Variants in SNTG1 observed in about 807,000 individuals in gnomAD.
SNTG1 encodes syntrophin gamma 1.
A neutral mutation model predicts 74.7 loss-of-function variants in SNTG1; 39 were observed. That is an observed-to-expected ratio of 0.52 (90% CI 0.40 to 0.68). SNTG1 has a LOEUF of 0.68. SNTG1 is among the 30% of genes least tolerant of loss of function. The pLI, the probability that SNTG1 is intolerant of heterozygous loss-of-function variation, is 0.00. For synonymous variants in SNTG1, 254 were observed against 217.1 expected (o/e 1.17, Z -1.49); for missense variants, 685 against 609.5 (o/e 1.12, Z -1.30).
intron 1 of SNTG1, among the ~76,000 whole-genome samples, chr8:49,946,302 T>C (rs1247740145): frequency 6.6e-6 from 1 of 152,220 alleles, no homozygotes; most frequent in African/African-American, 2.4e-5. Context: ...TTACTATAAC[T>C]GGATAAAATA....
chr8:50,253,850 T>C (rs1458585334), intron 2 of SNTG1, among the ~76,000 whole-genome samples: 1 of 146,280 alleles, frequency 6.8e-6, no homozygotes, highest in South Asian at 2.1e-4. Flanking sequence ...CCATGTAGAA[T>C]CTAAAAAAAA....
chr8:50,728,025 T>C (rs551785156), intron 17 of SNTG1, among the ~76,000 whole-genome samples: 2 of 152,072 alleles, frequency 1.3e-5, no homozygotes, highest in Middle Eastern at 3.4e-3. Context: ...CAGTACAGAG[T>C]TGTCAGCACA....
chr8:50,501,686 G>A (rs2093958613), intron 8 of SNTG1, among the ~76,000 whole-genome samples: 1 of 150,458 alleles, frequency 6.6e-6, no homozygotes. Flanking sequence ...TCGAACTCCA[G>A]ACCTCAGATG....
chr8:50,303,065 CATTT>C (rs1473753027), intron 2 of SNTG1, among the ~76,000 whole-genome samples: 1 of 152,108 alleles, frequency 6.6e-6, no homozygotes, highest in Non-Finnish European at 1.5e-5. Flanking sequence ...TTTTAAAAAA[CATTT>C]AAATTAATTA....
chr8:50,587,351 G>A lies in SNTG1; in HGVS notation c.811-3528G>A, dbSNP rs16915065. Among the ~76,000 whole-genome samples the A allele has an allele frequency of 8.0e-3, 1,214 of 151,796 alleles. 15 individuals carry two copies. The highest frequency in any genetic ancestry group is 0.027 in the African/African-American group (1,107 of 41,366). On this transcript the variant is annotated intron_variant, in intron 12 of 18. Coordinates refer to ENST00000642720, the MANE Select transcript of SNTG1 (RefSeq NM_018967.5). ...ATCAATCTTATCAATCTTATCAATC[G>A]GTAAATATCACCATAAGCATTTGTA...
At chr8:50,589,249 G>A (rs1472882653) in intron 12 of SNTG1, among the ~76,000 whole-genome samples, 1 of 152,108 alleles carries the variant, frequency 6.6e-6, no homozygotes, top group Non-Finnish European at 1.5e-5. Flanking sequence ...AGTCAGGTAT[G>A]TACTAAGGGA....
chr8:50,533,711 A>C (rs1688595064), intron 10 of SNTG1, among the ~76,000 whole-genome samples: 2 of 152,210 alleles, frequency 1.3e-5, no homozygotes, highest in Non-Finnish European at 2.9e-5. Flanking sequence ...AACTCTGTTG[A>C]GTCAAATAAC....
intron 18 of SNTG1, among the ~76,000 whole-genome samples, chr8:50,784,578 AC>A (rs1318797295): frequency 6.6e-6 from 1 of 152,168 alleles, no homozygotes; most frequent in Non-Finnish European, 1.5e-5. Context: ...GGAAGGTACC[AC>A]CAATTAGTTG....
intron 4 of SNTG1, among the ~76,000 whole-genome samples, chr8:50,432,950 C>G (rs529485120): frequency 6.6e-6 from 1 of 151,736 alleles, no homozygotes; most frequent in African/African-American, 2.4e-5. Flanking sequence ...TCTCCATGCT[C>G]GGCTAATTTT....
At chr8:50,601,611 A>G (rs1425782606) in intron 13 of SNTG1, among the ~76,000 whole-genome samples, 1 of 152,202 alleles carries the variant, frequency 6.6e-6, no homozygotes, top group African/African-American at 2.4e-5. Flanking sequence ...GTTGGATGAA[A>G]TATTCTGTAA....
At chr8:50,333,014 G>C (rs1259456863) in intron 2 of SNTG1, among the ~76,000 whole-genome samples, 1 of 152,104 alleles carries the variant, frequency 6.6e-6, no homozygotes, top group Non-Finnish European at 1.5e-5. Context: ...TATTATATTT[G>C]AAGCTAGCTA....
At chr8:50,469,329 C>T (rs1196543932) in intron 8 of SNTG1, among the ~76,000 whole-genome samples, 4 of 151,500 alleles carry the variant, frequency 2.6e-5, no homozygotes, top group African/African-American at 7.3e-5. Flanking sequence ...TTCTTGGGTT[C>T]TAAGGAGACC....
rs2095383522 is a variant in SNTG1 at position 50,692,207 on chromosome 8, G to C, written c.1039-12393G>C. ...CCTTTGTTTTGAATTTCCTCCTGTA[G>C]CTCGGAGTAGTTTGATCATTTGAAG... On this transcript the variant is annotated intron_variant, in intron 15 of 18. Transcript: ENST00000642720. Among the ~76,000 whole-genome samples the C allele has an allele frequency of 2.0e-5, 3 of 152,166 alleles. No individual in the cohort carries two copies. In the South Asian group the frequency reaches 6.2e-4, roughly 32 times the overall value.
intron 1 of SNTG1, among the ~76,000 whole-genome samples, chr8:49,994,305 G>T (rs1485896746): frequency 7.1e-6 from 1 of 140,468 alleles, no homozygotes; most frequent in Non-Finnish European, 1.5e-5. Flanking sequence ...ACCCAGGCTA[G>T]AGTGCAATGG....
chr8:50,231,877 C>T (rs2085646815), intron 2 of SNTG1, among the ~76,000 whole-genome samples: 2 of 151,174 alleles, frequency 1.3e-5, no homozygotes, highest in Admixed American at 6.6e-5. Context: ...CATGGTCTCA[C>T]CATCAAAATA....
At chr8:50,528,092 G>T (rs897814108) in intron 9 of SNTG1, among the ~76,000 whole-genome samples, 2 of 151,832 alleles carry the variant, frequency 1.3e-5, no homozygotes, top group African/African-American at 4.8e-5. Flanking sequence ...TGCAAATAAG[G>T]TTTTGCTTCT....
At chr8:50,313,265 T>C (rs2090184799) in intron 2 of SNTG1, among the ~76,000 whole-genome samples, 1 of 149,936 alleles carries the variant, frequency 6.7e-6, no homozygotes, top group South Asian at 2.2e-4. Flanking sequence ...AATGATTTTT[T>C]TGAATATGAC....
At chr8:50,394,021 G>T (rs2092696412) in intron 2 of SNTG1, among the ~76,000 whole-genome samples, 191 bp from the exon 3 acceptor site, 1 of 152,206 alleles carries the variant, frequency 6.6e-6, no homozygotes, top group African/African-American at 2.4e-5. Flanking sequence ...CTTCCTAAAA[G>T]CTGGGGATTA....
intron 1 of SNTG1, among the ~76,000 whole-genome samples, chr8:50,029,714 G>T (rs1026915080): frequency 2.0e-5 from 3 of 152,066 alleles, no homozygotes; most frequent in African/African-American, 7.2e-5. Context: ...ACTCCATTGT[G>T]TATATGTACC....
Sources: allele counts gnomAD v4.1 joint callset (sites outside exome capture counted in the v4.1 genomes callset), GRCh38; gene constraint gnomAD v4.1.1; transcripts MANE v1.5; gene names NCBI Gene and HGNC (gene_info 2026-07-23, HGNC 2026-07-21).